Variants in SUGCT observed in about 807,000 individuals in gnomAD.
SUGCT encodes the protein succinyl-CoA:glutarate CoA-transferase.
Under a neutral mutation model 55.0 loss-of-function variants are expected in SUGCT, and 41 were observed. That is an observed-to-expected ratio of 0.74 (90% CI 0.58 to 0.97). The LOEUF (loss-of-function observed/expected upper bound fraction) is 0.97, where lower values mean the gene tolerates loss of function less well. Among genes scored for constraint, SUGCT ranks in the 50% least tolerant of loss-of-function variants. The probability of loss-of-function intolerance (pLI) is 0.00; values close to 1 mark genes in which losing one functional copy is unlikely to be tolerated. For missense variants in SUGCT, 568 were observed against 547.8 expected (o/e 1.04, Z -0.37); for synonymous variants, 187 against 200.4 (o/e 0.93, Z 0.56).
chr7:40,608,240 C>CT (rs947133876), intron 12 of SUGCT, among the ~76,000 whole-genome samples: 11 of 152,112 alleles, frequency 7.2e-5, no homozygotes, highest in African/African-American at 2.7e-4. Context: ...CTGAATGTTC[C>CT]TTTTTCATTT....
At chr7:40,871,332 C>A in the SUGCT span, among the ~76,000 whole-genome samples, 3 of 152,174 alleles carry the variant, frequency 2.0e-5, no homozygotes, top group Non-Finnish European at 4.4e-5. Context: ...TGAACATCAT[C>A]CTCTGAAGAA....
At chr7:40,322,486 T>C (rs1022915957) in intron 9 of SUGCT, among the ~76,000 whole-genome samples, 29 of 152,150 alleles carry the variant, frequency 1.9e-4, no homozygotes, top group African/African-American at 6.8e-4. Flanking sequence ...CACCAGACTG[T>C]GTTTCTGATG....
chr7:40,779,233 G>A (rs1789609162), intron 13 of SUGCT, among the ~76,000 whole-genome samples: 1 of 152,168 alleles, frequency 6.6e-6, no homozygotes, highest in South Asian at 2.1e-4. Context: ...ATGATGCTAA[G>A]AATGCTTGGG....
rs537161323 is a variant in SUGCT, at chr7:40,533,725, A to C, written c.1089+37339A>C. Among the ~76,000 whole-genome samples, 153 of 152,268 alleles carry C rather than the reference A, an allele frequency of 1.0e-3. 1 individual carries two copies. The highest frequency in any genetic ancestry group is 7.9e-4 in the Non-Finnish European group (54 of 67,978). On this transcript the variant is annotated intron_variant, in intron 12 of 13. Coordinates refer to ENST00000335693, the MANE Select transcript of SUGCT (RefSeq NM_001193313.2). ...TTTTCCATCACTTATATGTTCTATT[A>C]AATAACAACTTTCTAAAACATCTAG... is the stretch of plus-strand genomic sequence containing the variant.
At chr7:40,968,204 G>C in the SUGCT span, 1 of 152,136 alleles carries the variant, frequency 6.6e-6, no homozygotes, top group Non-Finnish European at 1.5e-5. Context: ...AATAAAATAG[G>C]ATGAGGCAAT....
chr7:40,941,038 T>G, the SUGCT span, among the ~76,000 whole-genome samples: 1 of 152,072 alleles, frequency 6.6e-6, no homozygotes. Context: ...TATTTTTGGG[T>G]ATGTTCTTTC....
chr7:41,003,662 C>G, the SUGCT span, among the ~76,000 whole-genome samples: 5 of 152,140 alleles, frequency 3.3e-5, no homozygotes, highest in African/African-American at 4.8e-5. Context: ...GCCCAGCCCA[C>G]CCTATAATTT....
chr7:40,542,244 GTCA>G (rs138605949), intron 12 of SUGCT, among the ~76,000 whole-genome samples: 1,603 of 151,938 alleles, frequency 0.011, 27 homozygotes, highest in African/African-American at 0.036. Context: ...CATAACCATC[GTCA>G]TCATCATCAT....
intron 13 of SUGCT, among the ~76,000 whole-genome samples, chr7:40,800,252 G>A (rs1790744750): frequency 6.6e-6 from 1 of 151,686 alleles, no homozygotes; most frequent in Non-Finnish European, 1.5e-5. Context: ...TCTGAGGCAG[G>A]AGTGGGGGCA....
intron 6 of SUGCT, among the ~76,000 whole-genome samples, chr7:40,221,822 T>C (rs907609299): frequency 6.6e-6 from 1 of 152,222 alleles, no homozygotes; most frequent in South Asian, 2.1e-4. Flanking sequence ...AAATGTTAAT[T>C]GAATGTTCAT....
the SUGCT span, among the ~76,000 whole-genome samples, chr7:40,948,055 CTG>C: frequency 6.6e-6 from 1 of 152,142 alleles, no homozygotes; most frequent in African/African-American, 2.4e-5. Context: ...CTTTTATACT[CTG>C]TGTTTGGCAA....
intron 12 of SUGCT, among the ~76,000 whole-genome samples, chr7:40,714,272 T>A (rs962448983): frequency 1.3e-5 from 2 of 152,006 alleles, no homozygotes; most frequent in Non-Finnish European, 2.9e-5. Flanking sequence ...GGGTTGCATT[T>A]AGCAGAGATT....
intron 12 of SUGCT, among the ~76,000 whole-genome samples, chr7:40,597,923 G>C (rs1039172986): frequency 1.3e-5 from 2 of 151,918 alleles, no homozygotes; most frequent in East Asian, 3.9e-4. Flanking sequence ...GAGCCCTTCA[G>C]ATATCATCTG....
intron 1 of SUGCT, among the ~76,000 whole-genome samples, chr7:40,155,843 A>C (rs1783861624): frequency 1.3e-5 from 2 of 151,354 alleles, no homozygotes; most frequent in South Asian, 4.2e-4. Context: ...ATTTTTACTT[A>C]GGATACCTAA....
intron 12 of SUGCT, among the ~76,000 whole-genome samples, chr7:40,510,643 A>ATT (rs956218435): frequency 1.1e-4 from 17 of 152,342 alleles, no homozygotes; most frequent in Non-Finnish European, 2.2e-4. Context: ...AAGTACAAAG[A>ATT]GGCAACGTTA....
intron 13 of SUGCT, among the ~76,000 whole-genome samples, chr7:40,764,326 A>G (rs926212572): frequency 6.6e-6 from 1 of 152,172 alleles, no homozygotes; most frequent in Non-Finnish European, 1.5e-5. Context: ...TTTATGGGAC[A>G]TTTGAGACAA....
intron 12 of SUGCT, among the ~76,000 whole-genome samples, chr7:40,654,086 A>G (rs1210858111): frequency 1.3e-5 from 2 of 152,208 alleles, no homozygotes; most frequent in Admixed American, 6.5e-5. Flanking sequence ...TTACTTTCCC[A>G]TAAGGTATCA....
chr7:40,610,914 A>C (rs1400527662), intron 12 of SUGCT, among the ~76,000 whole-genome samples: 1 of 152,178 alleles, frequency 6.6e-6, no homozygotes, highest in African/African-American at 2.4e-5. Flanking sequence ...AAAGCAACTG[A>C]ATGTGTGTCA....
intron 12 of SUGCT, among the ~76,000 whole-genome samples, chr7:40,569,246 G>T (rs1796308934): frequency 6.6e-6 from 1 of 152,106 alleles, no homozygotes. Flanking sequence ...TGATCCTAGG[G>T]AAACACTCAA....
Sources: allele counts gnomAD v4.1 joint callset (sites outside exome capture counted in the v4.1 genomes callset), GRCh38; gene constraint gnomAD v4.1.1; transcripts MANE v1.5; gene names NCBI Gene and HGNC (gene_info 2026-07-23, HGNC 2026-07-21).